SHISA9: variants seen among roughly 807,000 people sequenced by gnomAD.
SHISA9 encodes the protein protein shisa-9.
A neutral mutation model predicts 38.0 loss-of-function variants in SHISA9; 13 were observed. The observed-to-expected ratio is 0.34, with a 90% CI of 0.22 to 0.54. The LOEUF is 0.54. SHISA9 is among the 20% of genes least tolerant of loss of function. The pLI is 0.91. For missense variants in SHISA9, 538 were observed against 575.8 expected, an observed-to-expected ratio of 0.93 and a Z score of 0.67; for synonymous variants, 275 against 242.0, an observed-to-expected ratio of 1.14 and a Z score of -1.27.
chr16:13,441,544 C>T, the SHISA9 span, among the ~76,000 whole-genome samples: 1 of 152,114 alleles, frequency 6.6e-6, no homozygotes, highest in Non-Finnish European at 1.5e-5. Flanking sequence ...GAGATCAATG[C>T]CCTTTGTTTT....
chr16:13,402,474 G>A, the SHISA9 span, among the ~76,000 whole-genome samples: 6 of 151,072 alleles, frequency 4.0e-5, no homozygotes, highest in Non-Finnish European at 7.4e-5. Flanking sequence ...TGGGCCCTTC[G>A]TGGATTGGAT....
chr16:13,494,545 A>G, the SHISA9 span, among the ~76,000 whole-genome samples: 1 of 152,336 alleles, frequency 6.6e-6, no homozygotes, highest in South Asian at 2.1e-4. Context: ...GAAAGTACAC[A>G]CATTTTAAAG....
intron 2 of SHISA9, among the ~76,000 whole-genome samples, chr16:12,975,797 G>A (rs1190925992): frequency 6.6e-6 from 1 of 152,064 alleles, no homozygotes; most frequent in Non-Finnish European, 1.5e-5. Flanking sequence ...AAGATTCTTG[G>A]TCATCCTTGA....
the SHISA9 span, among the ~76,000 whole-genome samples, chr16:13,255,130 C>G: frequency 6.6e-6 from 1 of 152,140 alleles, no homozygotes; most frequent in Non-Finnish European, 1.5e-5. Flanking sequence ...CCTCTCACTG[C>G]TTTCTCACAC....
chr16:13,420,491 G>C, the SHISA9 span, among the ~76,000 whole-genome samples: 3 of 152,128 alleles, frequency 2.0e-5, no homozygotes, highest in African/African-American at 7.2e-5. Flanking sequence ...CTGAGGAAGG[G>C]ATGTTCAGTC....
the SHISA9 span, chr16:13,458,247 T>C: frequency 4.6e-6 from 1 of 215,586 alleles, no homozygotes. Flanking sequence ...GGACACTGAC[T>C]GTCATGGGTC....
intron 2 of SHISA9, among the ~76,000 whole-genome samples, chr16:12,992,531 C>CAAAACAAAAACA (rs377609310): frequency 6.6e-6 from 1 of 151,460 alleles, no homozygotes; most frequent in Non-Finnish European, 1.5e-5. Flanking sequence ...GACTCTGTCT[C>CAAAACAAAAACA]AAAACAAAAA....
chr16:13,355,092 T>G, the SHISA9 span, among the ~76,000 whole-genome samples: 120,291 of 147,282 alleles, frequency 0.82, 49,305 homozygotes, highest in East Asian at 0.96. Context: ...CAGGTATTGA[T>G]GATAGGAGAG....
chr16:13,173,751 T>G (rs1039290647), intron 2 of SHISA9, among the ~76,000 whole-genome samples: 8 of 152,104 alleles, frequency 5.3e-5, no homozygotes, highest in Non-Finnish European at 1.2e-4. Context: ...CGAGGTCTAA[T>G]GGAGAAGACA....
At chr16:13,024,387 G>A (rs1008445094) in intron 2 of SHISA9, among the ~76,000 whole-genome samples, 21 of 152,358 alleles carry the variant, frequency 1.4e-4, no homozygotes, top group East Asian at 5.8e-4. Context: ...GTGCTGGACA[G>A]CCCAGTTGGC....
At position 13,077,012 on chromosome 16, in the gene SHISA9, C is replaced by G. The variant is rs138976847; in HGVS notation, c.692-126382C>G. 1.4e-3 allele frequency among the ~76,000 whole-genome samples: 210 copies of G among 152,256 alleles called. 3 individuals are homozygous for G. The highest frequency in any genetic ancestry group is 4.8e-3 in the African/African-American group (200 of 41,566). ...CGGGTTTGAGGCAAGAAGCAAAATC[C>G]CACGGAGGCTGGAGAGAGCAAAAGG... On this transcript the variant is annotated intron_variant, in intron 2 of 4. Coordinates refer to ENST00000558583, the MANE Select transcript of SHISA9 (RefSeq NM_001145204.3).
intron 2 of SHISA9, among the ~76,000 whole-genome samples, chr16:13,020,946 G>A (rs907900414): frequency 6.6e-6 from 1 of 152,206 alleles, no homozygotes; most frequent in Non-Finnish European, 1.5e-5. Context: ...TATCTCCCCA[G>A]TCCCGGGATT....
chr16:13,273,726 T>C, the SHISA9 span, among the ~76,000 whole-genome samples: 5 of 152,182 alleles, frequency 3.3e-5, no homozygotes, highest in Admixed American at 6.5e-5. Context: ...AGGAAAATTA[T>C]GAAAATTCAA....
intron 2 of SHISA9, among the ~76,000 whole-genome samples, chr16:13,142,613 C>T (rs1191266538): frequency 1.3e-5 from 2 of 152,180 alleles, no homozygotes; most frequent in African/African-American, 2.4e-5. Context: ...CTCCTTCTGC[C>T]AGATAGTCCT....
chr16:13,353,991 C>T, the SHISA9 span, among the ~76,000 whole-genome samples: 2 of 151,052 alleles, frequency 1.3e-5, no homozygotes, highest in Non-Finnish European at 2.9e-5. Context: ...CCTTCTCACA[C>T]CCTGTAGGAA....
At chr16:13,034,784 C>T (rs1024050812) in intron 2 of SHISA9, among the ~76,000 whole-genome samples, 1 of 152,144 alleles carries the variant, frequency 6.6e-6, no homozygotes, top group Non-Finnish European at 1.5e-5. Flanking sequence ...CTGTTTTGTA[C>T]CTCTGCCATT....
chr16:13,309,658 AAAAG>A, the SHISA9 span, among the ~76,000 whole-genome samples: 2 of 151,528 alleles, frequency 1.3e-5, no homozygotes, highest in African/African-American at 2.4e-5. Context: ...AAAAAAAAAA[AAAAG>A]AAAGTTGGAG....
At chr16:13,254,394 T>A in the SHISA9 span, among the ~76,000 whole-genome samples, 1 of 152,212 alleles carries the variant, frequency 6.6e-6, no homozygotes, top group Non-Finnish European at 1.5e-5. Context: ...GCTTCCAGCA[T>A]GACCATCAGT....
the SHISA9 span, among the ~76,000 whole-genome samples, chr16:13,537,302 C>G: frequency 2.6e-5 from 4 of 151,876 alleles, no homozygotes; most frequent in Middle Eastern, 3.2e-3. Context: ...GTGGCAGTTG[C>G]CTGTAATCCC....
Sources: allele counts gnomAD v4.1 joint callset (sites outside exome capture counted in the v4.1 genomes callset), GRCh38; gene constraint gnomAD v4.1.1; transcripts MANE v1.5; gene names NCBI Gene and HGNC (gene_info 2026-07-23, HGNC 2026-07-21).